RAB11A: variants seen among roughly 807,000 people sequenced by gnomAD.
RAB11A encodes the protein ras-related protein Rab-11A.
Under a neutral mutation model 28.0 loss-of-function variants are expected in RAB11A, and 9 were observed. The ratio of observed to expected loss-of-function variants is 0.32; its 90% CI spans 0.19 to 0.56. The LOEUF (loss-of-function observed/expected upper bound fraction) is 0.56, where lower values mean the gene tolerates loss of function less well. Ranked by LOEUF, RAB11A falls within the 20% of genes least tolerant of loss-of-function variation. The pLI is 0.91. For synonymous variants in RAB11A, 85 were observed against 88.2 expected (o/e 0.96, Z 0.20); for missense variants, 108 against 269.6 (o/e 0.40, Z 4.20).
rs1596794975 is a variant in RAB11A, at chr15:65,889,528, T to C, written c.*1688T>C. 1 of 152,226 alleles carries C rather than the reference T, an allele frequency of 6.6e-6. No individual in the cohort carries two copies. The highest frequency in any genetic ancestry group is 2.4e-5 in the African/African-American group (1 of 41,460). The allele number at this position is 152,226 out of a possible 1,614,324, so 9.4% of individuals were successfully genotyped here. ...GCCGTGGAATCCTGATGTAAAAGCA[T>C]AGGTTCTTGCATTACTGAGTAAACA... On this transcript the variant is annotated 3_prime_UTR_variant, in exon 5 of 5. Transcript: ENST00000261890.
Position 65,869,505 on chromosome 15 carries a change from G to C in RAB11A, c.-81G>C. ...CCCAGTCCGGCAGTTGAAGCTCGGC[G>C]CTCGGGTTACCCCTGCAGCGACGCC... On this transcript the variant is annotated 5_prime_UTR_variant, in exon 1 of 5. Coordinates refer to ENST00000261890, the MANE Select transcript of RAB11A (RefSeq NM_004663.5). 2 of 1,548,464 alleles carry C rather than the reference G, an allele frequency of 1.3e-6. No homozygotes were observed. Among genetic ancestry groups the C allele is most frequent in the Non-Finnish European group, 1.7e-6 (2 of 1,146,794 alleles).
Position 65,869,491 on chromosome 15 carries a change from A to G in RAB11A, c.-95A>G, listed in dbSNP as rs1377916779. 6.5e-6 allele frequency: 10 copies of G among 1,531,034 alleles called. No individual in the cohort carries two copies. Among genetic ancestry groups the G allele is most frequent in the African/African-American group, 1.4e-5 (1 of 73,124 alleles). 94.8% of individuals were successfully genotyped at this position (1,531,034 alleles called of 1,614,324 possible). On this transcript the variant is annotated 5_prime_UTR_variant, in exon 1 of 5. Coordinates refer to ENST00000261890, the MANE Select transcript of RAB11A (RefSeq NM_004663.5). ...GGAGGGGCTCTTCACCCAGTCCGGC[A>G]GTTGAAGCTCGGCGCTCGGGTTACC...
At chr15:65,880,810 C>A (rs889233288) in intron 4 of RAB11A, among the ~76,000 whole-genome samples, 6 of 152,200 alleles carry the variant, frequency 3.9e-5, no homozygotes, top group Non-Finnish European at 8.8e-5. Flanking sequence ...CTATAAAATT[C>A]ATATATATTT....
At position 65,869,528 on chromosome 15, in the gene RAB11A, G is replaced by T; in HGVS notation, c.-58G>T. On this transcript the variant is annotated 5_prime_UTR_variant, in exon 1 of 5. Coordinates refer to ENST00000261890, the MANE Select transcript of RAB11A (RefSeq NM_004663.5). ...GCGCTCGGGTTACCCCTGCAGCGACGCCCCCTGGTCCCACAGATACCACTG... is the reference window on the plus strand; with the variant it reads ...GCGCTCGGGTTACCCCTGCAGCGACTCCCCCTGGTCCCACAGATACCACTG... The T allele has an allele frequency of 6.3e-7, 1 of 1,590,772 alleles. No individual in the cohort carries two copies.
Position 65,877,305 on chromosome 15 carries a change from C to G in RAB11A, c.41-27C>G. 2 of 1,567,492 alleles carry G rather than the reference C, an allele frequency of 1.3e-6. No individual in the cohort carries two copies. Among genetic ancestry groups the G allele is most frequent in the Non-Finnish European group, 1.7e-6 (2 of 1,146,226 alleles). ...TTCTGAATATGTTTGCCTCATTCAT[C>G]TGACATTGAATTCTTTGTCTTTCCA... On this transcript the variant is annotated intron_variant, in intron 1 of 4. Coordinates refer to ENST00000261890, the MANE Select transcript of RAB11A (RefSeq NM_004663.5). The surrounding 1 kb of genome is among the most constrained non-coding windows in gnomAD (Gnocchi z 4.1).
Position 65,889,070 on chromosome 15 carries a change from T to A in RAB11A, c.*1230T>A, listed in dbSNP as rs2078270708. ...ATTCAGAAATGTGCACACTAATATT[T>A]AGTTTTGCTTTCTCGTGGATAATAT... On this transcript the variant is annotated 3_prime_UTR_variant, in exon 5 of 5. Transcript: ENST00000261890. 2 of 152,700 alleles carry A rather than the reference T, an allele frequency of 1.3e-5. No individual in the cohort carries two copies. 9.5% of individuals were successfully genotyped at this position (152,700 alleles called of 1,614,324 possible). A position where few individuals can be genotyped will look rare whatever the true frequency, so the allele number is the denominator to read the frequency against.
intron 3 of RAB11A, among the ~76,000 whole-genome samples, chr15:65,878,365 A>G (rs1277758613): frequency 1.3e-5 from 2 of 152,204 alleles, no homozygotes; most frequent in African/African-American, 4.8e-5. Flanking sequence ...GCATGCCAGA[A>G]GACAACATTG....
chr15:65,884,963 GT>G (rs78411004), intron 4 of RAB11A, among the ~76,000 whole-genome samples: 135 of 133,796 alleles, frequency 1.0e-3, no homozygotes, highest in Middle Eastern at 3.8e-3. Flanking sequence ...CGCCCCCACC[GT>G]TTTTTTTTTT....
chr15:65,870,312 A>G (rs2078151421), intron 1 of RAB11A, among the ~76,000 whole-genome samples: 2 of 151,506 alleles, frequency 1.3e-5, no homozygotes, highest in South Asian at 4.2e-4. Flanking sequence ...AACTCTCTCT[A>G]CCTTCCCTCC....
In RAB11A at chr15:65,891,211, T is replaced by G. The variant is rs2078293362; in HGVS notation, c.*3371T>G. ...CTAATGTTTTAAAGAATGATTGGGT[T>G]CCCCCAAACTGTAGGAGGTCGATGG... On this transcript the variant is annotated 3_prime_UTR_variant, in exon 5 of 5. Coordinates refer to ENST00000261890, the MANE Select transcript of RAB11A (RefSeq NM_004663.5). 1 of 152,204 alleles carries G rather than the reference T, an allele frequency of 6.6e-6. No individual in the cohort carries two copies. Among genetic ancestry groups the G allele is most frequent in the African/African-American group, 2.4e-5 (1 of 41,432 alleles). 9.4% of individuals were successfully genotyped at this position (152,204 alleles called of 1,614,324 possible).
At chr15:65,882,133 C>CT (rs1287775717) in intron 4 of RAB11A, among the ~76,000 whole-genome samples, 3 of 152,182 alleles carry the variant, frequency 2.0e-5, no homozygotes, top group Admixed American at 1.3e-4. Flanking sequence ...TTAATTGTTG[C>CT]TTGAAAGCAA....
chr15:65,874,655 T>C (rs926547316), intron 1 of RAB11A, among the ~76,000 whole-genome samples: 5 of 152,222 alleles, frequency 3.3e-5, no homozygotes, highest in Non-Finnish European at 5.9e-5. Context: ...GTTCCCTTGC[T>C]ATCTTTATGA....
chr15:65,883,414 T>G (rs994232803), intron 4 of RAB11A, among the ~76,000 whole-genome samples: 1 of 152,216 alleles, frequency 6.6e-6, no homozygotes, highest in Non-Finnish European at 1.5e-5. Context: ...ACTCAAGTTA[T>G]ACACTTTTGG....
chr15:65,873,254 A>G (rs1022214104), intron 1 of RAB11A, among the ~76,000 whole-genome samples: 9 of 152,362 alleles, frequency 5.9e-5, no homozygotes, highest in South Asian at 4.1e-4. Flanking sequence ...GTAAGCATCA[A>G]TCATGATTTC....
At chr15:65,871,399 A>G (rs150853771) in intron 1 of RAB11A, among the ~76,000 whole-genome samples, 232 of 152,358 alleles carry the variant, frequency 1.5e-3, no homozygotes, top group South Asian at 4.1e-3. Flanking sequence ...TGCCGAAGGT[A>G]TCTGAGATGA....
At chr15:65,873,555 A>C (rs1043540355) in intron 1 of RAB11A, among the ~76,000 whole-genome samples, 3 of 151,392 alleles carry the variant, frequency 2.0e-5, no homozygotes, top group Non-Finnish European at 4.4e-5. Flanking sequence ...ATCTATATCT[A>C]TATATATATA....
At chr15:65,870,402 C>T (rs953803046) in intron 1 of RAB11A, among the ~76,000 whole-genome samples, 1 of 152,226 alleles carries the variant, frequency 6.6e-6, no homozygotes, top group Non-Finnish European at 1.5e-5. Flanking sequence ...GCCCATCACC[C>T]ACTCGCGCAC....
In RAB11A at chr15:65,877,698, A is replaced by T; in HGVS notation, c.237-64A>T. 1 of 1,407,400 alleles carries T rather than the reference A, an allele frequency of 7.1e-7. No individual in the cohort carries two copies. Among genetic ancestry groups the T allele is most frequent in the Non-Finnish European group, 9.7e-7 (1 of 1,032,778 alleles). 87.2% of individuals were successfully genotyped at this position (1,407,400 alleles called of 1,614,324 possible). A position where few individuals can be genotyped will look rare whatever the true frequency, so the allele number is the denominator to read the frequency against. On this transcript the variant is annotated intron_variant, in intron 2 of 4. Transcript: ENST00000261890. The surrounding 1 kb of genome is among the most constrained non-coding windows in gnomAD (Gnocchi z 4.1). Reference sequence around the variant, plus strand: ...TTTAAAACTCATGATCCATATTTTGAGTTCTTCCTGGTGTTTGCTTCCATC... The same window carrying T: ...TTTAAAACTCATGATCCATATTTTGTGTTCTTCCTGGTGTTTGCTTCCATC...
chr15:65,875,655 A>G (rs914046296), intron 1 of RAB11A, among the ~76,000 whole-genome samples: 1 of 152,226 alleles, frequency 6.6e-6, no homozygotes, highest in Non-Finnish European at 1.5e-5. Context: ...TTTCTTGCTG[A>G]ATCAGCTGAC....
Sources: allele counts gnomAD v4.1 joint callset (sites outside exome capture counted in the v4.1 genomes callset), GRCh38; gene constraint gnomAD v4.1.1; non-coding constraint Gnocchi (gnomAD v3.1); transcripts MANE v1.5; gene names NCBI Gene and HGNC (gene_info 2026-07-23, HGNC 2026-07-21).